Variants in RPH3AL observed in about 807,000 individuals in gnomAD.
RPH3AL encodes the protein rab effector Noc2.
Under a neutral mutation model 43.1 loss-of-function variants are expected in RPH3AL, and 38 were observed. The ratio of observed to expected loss-of-function variants is 0.88; its 90% confidence interval spans 0.68 to 1.15. RPH3AL has a LOEUF of 1.15. RPH3AL is among the 50% of genes most tolerant of loss of function. The pLI is 0.00. For missense variants in RPH3AL, 462 were observed against 423.2 expected (o/e 1.09, Z -0.81); for synonymous variants, 189 against 176.3 (o/e 1.07, Z -0.57).
chr17:265,424 G>A (rs1435653687), intron 6 of RPH3AL, among the ~76,000 whole-genome samples: 1 of 152,126 alleles, frequency 6.6e-6, no homozygotes, highest in Non-Finnish European at 1.5e-5. Context: ...AATTAGATAA[G>A]TATAGCTTTG....
intron 5 of RPH3AL, among the ~76,000 whole-genome samples, chr17:311,148 C>T (rs543407819): frequency 6.6e-6 from 1 of 152,350 alleles, no homozygotes; most frequent in South Asian, 2.1e-4. Context: ...TCCCCTACAG[C>T]TCAGCGTCCC....
At chr17:275,203 G>C (rs1479771071) in intron 6 of RPH3AL, among the ~76,000 whole-genome samples, 3 of 146,948 alleles carry the variant, frequency 2.0e-5, no homozygotes, top group Non-Finnish European at 4.5e-5. Context: ...CAGGAGACAT[G>C]AATGTTTACA....
rs140228803 is a variant in RPH3AL at position 302,767 on chromosome 17, G to A, written c.351+16653C>T. 9.1e-3 allele frequency among the ~76,000 whole-genome samples: 1,385 copies of A among 152,310 alleles called. 26 individuals carry two copies. Among genetic ancestry groups the A allele is most frequent in the African/African-American group, 0.031 (1,281 of 41,562 alleles). ...AACACAGCTCCTAAAACTGGAATTC[G>A]ATTTACATGTATAGTCATGGGACGA... On this transcript the variant is annotated intron_variant, in intron 5 of 9. Transcript: ENST00000331302.
rs534275251 is a variant in RPH3AL at position 283,966 on chromosome 17, C to T, written c.352-2112G>A. On this transcript the variant is annotated intron_variant, in intron 5 of 9. Coordinates refer to ENST00000331302, the MANE Select transcript of RPH3AL (RefSeq NM_006987.4). The surrounding 1 kb of genome is among the most constrained non-coding windows in gnomAD (Gnocchi z 4.2). ...GTAAAGGGGAGAGGAAGCACTGATG[C>T]TACTTAGCTCTGTTTTCCTTGCGAA... Among the ~76,000 whole-genome samples the T allele has an allele frequency of 6.6e-6, 1 of 152,228 alleles. No homozygotes were observed. The highest frequency in any genetic ancestry group is 1.5e-5 in the Non-Finnish European group (1 of 68,040).
chr17:326,915 G>C (rs2044634615), intron 3 of RPH3AL, among the ~76,000 whole-genome samples: 1 of 152,258 alleles, frequency 6.6e-6, no homozygotes, highest in Admixed American at 6.5e-5. Flanking sequence ...GAACTAGCGA[G>C]ATTCTCAGGA....
intron 6 of RPH3AL, among the ~76,000 whole-genome samples, chr17:265,542 G>C (rs1179851901): frequency 1.3e-5 from 2 of 152,166 alleles, no homozygotes; most frequent in East Asian, 3.8e-4. Context: ...ATCTGCTGAT[G>C]GCTTTTTCTT....
At chr17:235,039 G>A (rs1029115247) in intron 7 of RPH3AL, among the ~76,000 whole-genome samples, 3 of 152,230 alleles carry the variant, frequency 2.0e-5, no homozygotes, top group Admixed American at 1.3e-4. Flanking sequence ...AAAAACGGCA[G>A]CCACAGGGCT....
chr17:259,254 G>T (rs1295307722), intron 6 of RPH3AL, among the ~76,000 whole-genome samples: 1 of 152,214 alleles, frequency 6.6e-6, no homozygotes, highest in Non-Finnish European at 1.5e-5. Flanking sequence ...GCACACAGGT[G>T]TATCATCCAG....
At chr17:243,685 C>T (rs1474622176) in intron 7 of RPH3AL, among the ~76,000 whole-genome samples, 6 of 144,336 alleles carry the variant, frequency 4.2e-5, no homozygotes, top group Admixed American at 1.4e-4. Flanking sequence ...CTATTGACTA[C>T]CTTCCTCTAT....
chr17:298,072 C>T (rs927902860), intron 5 of RPH3AL, among the ~76,000 whole-genome samples: 2 of 152,186 alleles, frequency 1.3e-5, no homozygotes, highest in African/African-American at 4.8e-5. Context: ...TGCCTCCGTG[C>T]CCTGTGGCTC....
chr17:268,843 T>G (rs578211714), intron 6 of RPH3AL, among the ~76,000 whole-genome samples: 1 of 151,796 alleles, frequency 6.6e-6, no homozygotes, highest in African/African-American at 2.4e-5. Context: ...GGACTATAGG[T>G]TCATGCTACC....
chr17:314,824 GTC>G (rs1875025574), intron 5 of RPH3AL, among the ~76,000 whole-genome samples: 1 of 137,814 alleles, frequency 7.3e-6, no homozygotes, highest in African/African-American at 2.6e-5. Flanking sequence ...TTGACCTGTA[GTC>G]TCTGTGCTCC....
At chr17:224,727 G>C (rs1011122507) in intron 7 of RPH3AL, among the ~76,000 whole-genome samples, 1 of 152,120 alleles carries the variant, frequency 6.6e-6, no homozygotes, top group Non-Finnish European at 1.5e-5. Flanking sequence ...ATGTCCATCA[G>C]TGATAGACTG....
intron 9 of RPH3AL, chr17:214,878 A>ACT (rs1208113513): frequency 6.6e-6 from 1 of 152,202 alleles, no homozygotes; most frequent in Non-Finnish European, 1.5e-5. Context: ...CGGATTCCAC[A>ACT]CTGTCCTCTG....
intron 6 of RPH3AL, among the ~76,000 whole-genome samples, chr17:253,026 G>A (rs1555543188): frequency 1.3e-5 from 2 of 152,214 alleles, no homozygotes; most frequent in African/African-American, 4.8e-5. Flanking sequence ...GCTACAGTAA[G>A]TGTTTTTGGG....
intron 6 of RPH3AL, among the ~76,000 whole-genome samples, chr17:280,215 C>T (rs2042745803): frequency 6.6e-6 from 1 of 152,200 alleles, no homozygotes; most frequent in African/African-American, 2.4e-5. Context: ...GGAGATTGGT[C>T]TTCCAGGGTT....
chr17:234,788 G>A (rs576415789), intron 7 of RPH3AL, among the ~76,000 whole-genome samples: 17 of 152,336 alleles, frequency 1.1e-4, no homozygotes, highest in East Asian at 3.9e-4. Context: ...AGCAAAATAC[G>A]GGGGTGGGGA....
intron 8 of RPH3AL, among the ~76,000 whole-genome samples, chr17:216,427 T>A (rs920175755): frequency 6.6e-6 from 1 of 152,184 alleles, no homozygotes; most frequent in African/African-American, 2.4e-5. Context: ...AGAGAGATGT[T>A]GACTGCTGCC....
chr17:320,389 C>G (rs370104030), intron 4 of RPH3AL, among the ~76,000 whole-genome samples: 1 of 152,158 alleles, frequency 6.6e-6, no homozygotes, highest in East Asian at 1.9e-4. Flanking sequence ...ACATCCCAGC[C>G]CTTTGTGAGG....
Sources: allele counts gnomAD v4.1 joint callset (sites outside exome capture counted in the v4.1 genomes callset), GRCh38; gene constraint gnomAD v4.1.1; non-coding constraint Gnocchi (gnomAD v3.1); transcripts MANE v1.5; gene names NCBI Gene and HGNC (gene_info 2026-07-23, HGNC 2026-07-21).